Variants in DHRSX observed in about 807,000 individuals in gnomAD.
DHRSX encodes the protein polyprenol dehydrogenase.
In DHRSX, 31 loss-of-function variants were observed where a neutral mutation model predicts 34.0. The observed-to-expected ratio is 0.91, with a 90% CI of 0.69 to 1.23. The LOEUF (loss-of-function observed/expected upper bound fraction) is 1.23, where lower values mean the gene tolerates loss of function less well. DHRSX is among the 50% of genes most tolerant of loss of function. The pLI is 0.00. For missense variants in DHRSX, 414 were observed against 428.1 expected, an observed-to-expected ratio of 0.97 and a Z score of 0.29; for synonymous variants, 201 against 183.8, an observed-to-expected ratio of 1.09 and a Z score of -0.76.
At chrX:2,341,209 G>A (rs1337973560) in intron 3 of DHRSX, among the ~76,000 whole-genome samples, 5 of 152,132 alleles carry the variant, frequency 3.3e-5, no homozygotes, top group East Asian at 1.9e-4. Flanking sequence ...CTGAATCACC[G>A]CACACGCTTG....
intron 5 of DHRSX, among the ~76,000 whole-genome samples, chrX:2,247,055 TCTC>T (rs1314065857): frequency 6.6e-6 from 1 of 151,950 alleles, no homozygotes; most frequent in Non-Finnish European, 1.5e-5. Flanking sequence ...TTCAAGCAAT[TCTC>T]CTGCCTCAGC....
At chrX:2,347,799 T>C (rs1602984969) in intron 3 of DHRSX, among the ~76,000 whole-genome samples, 1 of 152,356 alleles carries the variant, frequency 6.6e-6, no homozygotes, top group South Asian at 2.1e-4. Flanking sequence ...GTTGCCATAA[T>C]GCGGTGTCCA....
intron 6 of DHRSX, among the ~76,000 whole-genome samples, chrX:2,224,143 CATT>C (rs1285391523): frequency 2.0e-5 from 3 of 152,370 alleles, no homozygotes; most frequent in Admixed American, 6.5e-5. Flanking sequence ...TGTCTGCCAT[CATT>C]GACACTGAGG....
intron 5 of DHRSX, among the ~76,000 whole-genome samples, chrX:2,252,043 GC>G (rs1371555585): frequency 6.6e-6 from 1 of 151,992 alleles, no homozygotes; most frequent in Non-Finnish European, 1.5e-5. Flanking sequence ...TTCGAGACTA[GC>G]CTGGCCAACA....
At chrX:2,437,098 T>C (rs946634479) in intron 1 of DHRSX, among the ~76,000 whole-genome samples, 54 of 152,074 alleles carry the variant, frequency 3.6e-4, no homozygotes, top group Non-Finnish European at 6.0e-4. Context: ...CCTGGGTTCA[T>C]GCCATTCTCT....
At chrX:2,268,689 T>C (rs2041508414) in intron 4 of DHRSX, among the ~76,000 whole-genome samples, 1 of 152,264 alleles carries the variant, frequency 6.6e-6, no homozygotes, top group African/African-American at 2.4e-5. Context: ...TGTATATACA[T>C]GTCCATACAC....
chrX:2,480,744 G>A (rs986383143), intron 1 of DHRSX, among the ~76,000 whole-genome samples: 2 of 152,126 alleles, frequency 1.3e-5, no homozygotes, highest in African/African-American at 2.4e-5. Flanking sequence ...ACCTGAGCCA[G>A]GAGTTGGAGG....
At chrX:2,474,178 C>G (rs2044636958) in intron 1 of DHRSX, among the ~76,000 whole-genome samples, 1 of 152,026 alleles carries the variant, frequency 6.6e-6, no homozygotes, top group Admixed American at 6.6e-5. Context: ...GGGATCGCCA[C>G]CGTGTACGAA....
chrX:2,457,173 T>C (rs2044310508), intron 1 of DHRSX, among the ~76,000 whole-genome samples: 1 of 152,088 alleles, frequency 6.6e-6, no homozygotes, highest in Non-Finnish European at 1.5e-5. Flanking sequence ...CGTCCCCATG[T>C]ATGAACTGAA....
At chrX:2,223,533 G>C (rs2015568434) in intron 6 of DHRSX, among the ~76,000 whole-genome samples, 1 of 152,100 alleles carries the variant, frequency 6.6e-6, no homozygotes, top group African/African-American at 2.4e-5. Context: ...GGGGAGCCCT[G>C]TGTCCCGTGT....
intron 3 of DHRSX, among the ~76,000 whole-genome samples, chrX:2,349,514 C>A (rs111357052): frequency 2.0e-5 from 3 of 151,314 alleles, no homozygotes; most frequent in Non-Finnish European, 4.4e-5. Flanking sequence ...GGTGAAACCC[C>A]GTGTCCACTA....
At chrX:2,223,286 C>A (rs1176771592) in intron 6 of DHRSX, among the ~76,000 whole-genome samples, 1 of 152,186 alleles carries the variant, frequency 6.6e-6, no homozygotes, top group Non-Finnish European at 1.5e-5. Context: ...GGCCGCTCCC[C>A]TGCACACACT....
intron 1 of DHRSX, among the ~76,000 whole-genome samples, chrX:2,475,305 T>C (rs34040947): frequency 0.19 from 26,433 of 142,760 alleles, 3,655 homozygotes; most frequent in African/African-American, 0.37. Context: ...GCTAAGGGAC[T>C]GCCACCAAGA....
rs1467334631 is a variant in DHRSX at position 2,500,823 on chromosome X, C to G, written c.103G>C (p.Glu35Gln). 2 of 1,132,512 alleles carry G rather than the reference C, an allele frequency of 1.8e-6. No individual in the cohort carries two copies. The highest frequency in any genetic ancestry group is 1.7e-5 in the African/African-American group (1 of 60,148). 70.2% of individuals were successfully genotyped at this position (1,132,512 alleles called of 1,614,324 possible). A position where few individuals can be genotyped will look rare whatever the true frequency, so the allele number is the denominator to read the frequency against. The change falls in exon 1 of 7, where the codon GAG (glutamate) becomes CAG (glutamine). Residue 35 changes from glutamate (E) to glutamine (Q), a missense_variant. By Grantham distance (29) the Glu-to-Gln change is conservative (BLOSUM62 2). Transcript: ENST00000334651. Reference protein sequence around the residue: ...LLRRCRGGFLEPVFPPRPDRV... With the variant: ...LLRRCRGGFLQPVFPPRPDRV... ...CCTGCCCCGCCCCGCTGACCTGGCTCCAGGAAGCCCCCGCGGCAGCGCCGC... is the reference window on the plus strand; with the variant it reads ...CCTGCCCCGCCCCGCTGACCTGGCTGCAGGAAGCCCCCGCGGCAGCGCCGC...
chrX:2,490,411 C>G, intron 1 of DHRSX: 1 of 1,613,942 alleles, frequency 6.2e-7, no homozygotes. Context: ...GCCCGGGCTG[C>G]TGGGACGACT....
intron 1 of DHRSX, among the ~76,000 whole-genome samples, chrX:2,444,460 C>T (rs2044102457): frequency 6.6e-6 from 1 of 152,158 alleles, no homozygotes; most frequent in Non-Finnish European, 1.5e-5. Context: ...GCAAACCATG[C>T]AGGTGAGGAG....
intron 1 of DHRSX, among the ~76,000 whole-genome samples, chrX:2,429,205 T>A (rs5939297): frequency 0.54 from 81,245 of 151,512 alleles, 22,791 homozygotes; most frequent in East Asian, 0.93. Context: ...TCAGTAGATG[T>A]ATTGATGTTC....
chrX:2,396,309 T>C (rs1192486890), intron 3 of DHRSX, among the ~76,000 whole-genome samples: 3 of 152,036 alleles, frequency 2.0e-5, no homozygotes, highest in South Asian at 4.2e-4. Context: ...GATTAGGACA[T>C]GGACATATCT....
intron 1 of DHRSX, chrX:2,490,418 G>A (rs779821380): frequency 2.0e-5 from 33 of 1,613,808 alleles, no homozygotes; most frequent in African/African-American, 1.3e-4. Flanking sequence ...CTGCTGGGAC[G>A]ACTCGGGCTT....
Sources: gnomAD v4.1 joint callset for allele counts (sites outside exome capture counted in the v4.1 genomes callset) on GRCh38, gnomAD v4.1.1 for gene constraint, MANE v1.5 for transcripts, NCBI Gene and HGNC (gene_info 2026-07-23, HGNC 2026-07-21) for gene names.